CAPZA2: variants seen among roughly 807,000 people sequenced by gnomAD.
CAPZA2 encodes the protein F-actin-capping protein subunit alpha-2.
Under a neutral mutation model 44.0 loss-of-function variants are expected in CAPZA2, and 13 were observed. That is an observed-to-expected ratio of 0.30 (90% CI 0.19 to 0.47). The LOEUF is 0.47. Ranked by LOEUF, CAPZA2 falls within the 20% of genes least tolerant of loss-of-function variation. The probability of loss-of-function intolerance (pLI) is 1.00; values close to 1 mark genes in which losing one functional copy is unlikely to be tolerated. For missense variants in CAPZA2, 244 were observed against 338.6 expected, an observed-to-expected ratio of 0.72 and a Z score of 2.19; for synonymous variants, 94 against 108.2, an observed-to-expected ratio of 0.87 and a Z score of 0.81.
At chr7:116,905,802 C>T (rs764317217) in intron 5 of CAPZA2, among the ~76,000 whole-genome samples, 3 of 152,126 alleles carry the variant, frequency 2.0e-5, no homozygotes, top group Non-Finnish European at 1.5e-5. Flanking sequence ...ATTCTCTTAA[C>T]GACCTTTCTC....
intron 1 of CAPZA2, among the ~76,000 whole-genome samples, chr7:116,883,060 A>G (rs1437553153): frequency 6.6e-6 from 1 of 152,212 alleles, no homozygotes; most frequent in East Asian, 1.9e-4. Flanking sequence ...GAAGAATAAC[A>G]TGTGGAGGAA....
At chr7:116,876,491 A>G (rs1796624586) in intron 1 of CAPZA2, 1 of 152,202 alleles carries the variant, frequency 6.6e-6, no homozygotes, top group Non-Finnish European at 1.5e-5. Flanking sequence ...GTCTGAGATA[A>G]AAATAATATG....
At chr7:116,863,150 C>A (rs985127562) in intron 1 of CAPZA2, among the ~76,000 whole-genome samples, 1 of 152,204 alleles carries the variant, frequency 6.6e-6, no homozygotes, top group African/African-American at 2.4e-5. Context: ...TTCACTTCTC[C>A]CTTCTACTTC....
intron 8 of CAPZA2, among the ~76,000 whole-genome samples, chr7:116,912,364 C>CT (rs143694421): frequency 0.012 from 1,708 of 148,472 alleles, 32 homozygotes; most frequent in African/African-American, 0.036. Context: ...AAATTTTTCT[C>CT]TTTTTTTTTT....
chr7:116,883,264 T>C (rs752556047), intron 1 of CAPZA2, among the ~76,000 whole-genome samples: 3 of 152,230 alleles, frequency 2.0e-5, no homozygotes, highest in Non-Finnish European at 2.9e-5. Context: ...GGGACCTACC[T>C]ATTGTTAACT....
At chr7:116,910,447 A>G (rs1791575900) in intron 7 of CAPZA2, 136 bp downstream of exon 7, 2 of 600,570 alleles carry the variant, frequency 3.3e-6, no homozygotes, top group Non-Finnish European at 5.9e-6. Flanking sequence ...GGGAAAAACA[A>G]TAGTGCTGTT....
chr7:116,877,813 C>G (rs536993286), intron 1 of CAPZA2, among the ~76,000 whole-genome samples: 47 of 152,082 alleles, frequency 3.1e-4, no homozygotes, highest in Non-Finnish European at 5.7e-4. Context: ...GTGATCTTGA[C>G]AGGGAAGAAA....
chr7:116,902,922 G>A lies in CAPZA2; in HGVS notation c.220-1255G>A, dbSNP rs538517094. 2.6e-5 allele frequency among the ~76,000 whole-genome samples: 4 copies of A among 152,050 alleles called. No individual in the cohort carries two copies. The South Asian group carries it at 6.3e-4, about 24-fold the overall frequency. On this transcript the variant is annotated intron_variant, in intron 4 of 9. Coordinates refer to ENST00000361183, the MANE Select transcript of CAPZA2 (RefSeq NM_006136.3). ...GAGATGAGGTCTTACTATGTTGCCC[G>A]GGCTGGTCTCAACCTCCTGAGCTGA...
chr7:116,882,415 T>A (rs1585004942), intron 1 of CAPZA2, among the ~76,000 whole-genome samples: 1 of 152,190 alleles, frequency 6.6e-6, no homozygotes, highest in East Asian at 1.9e-4. Flanking sequence ...TCTTGTTTTA[T>A]TCTGTGGGTT....
In CAPZA2 at chr7:116,919,382, A is replaced by G. The variant is rs1363684762; in HGVS notation, c.*1515A>G. The G allele has an allele frequency of 1.3e-5, 2 of 152,350 alleles. No individual in the cohort carries two copies. Among genetic ancestry groups the G allele is most frequent in the Non-Finnish European group, 2.9e-5 (2 of 68,016 alleles). 9.4% of individuals were successfully genotyped at this position (152,350 alleles called of 1,614,324 possible). Reference sequence around the variant, plus strand: ...CCTTTTTAAAATATATATATTTGAAAGTTTGATGATGGTGAACTAAATACT... The same window carrying G: ...CCTTTTTAAAATATATATATTTGAAGGTTTGATGATGGTGAACTAAATACT... On this transcript the variant is annotated 3_prime_UTR_variant, in exon 10 of 10. Transcript: ENST00000361183.
At chr7:116,887,004 G>A (rs1379232253) in intron 1 of CAPZA2, among the ~76,000 whole-genome samples, 2 of 152,108 alleles carry the variant, frequency 1.3e-5, no homozygotes, top group South Asian at 4.1e-4. Flanking sequence ...ACTTGTCTTT[G>A]AACTAAGATT....
At chr7:116,880,627 C>T (rs1282852547) in intron 1 of CAPZA2, among the ~76,000 whole-genome samples, 1 of 147,212 alleles carries the variant, frequency 6.8e-6, no homozygotes, top group African/African-American at 2.5e-5. Flanking sequence ...GAACTCCTGA[C>T]CTCAAGTGAT....
intron 1 of CAPZA2, among the ~76,000 whole-genome samples, chr7:116,868,641 G>C (rs2115867694): frequency 6.6e-6 from 1 of 152,316 alleles, no homozygotes; most frequent in East Asian, 1.9e-4. Context: ...GGCCGAGGCA[G>C]GAGAATCGCT....
chr7:116,891,774 G>C (rs1310075533), intron 2 of CAPZA2, among the ~76,000 whole-genome samples: 1 of 152,062 alleles, frequency 6.6e-6, no homozygotes, highest in African/African-American at 2.4e-5. Flanking sequence ...GCCTCCCAAA[G>C]TGCTGGGATT....
intron 1 of CAPZA2, among the ~76,000 whole-genome samples, chr7:116,887,843 A>G (rs1051417199): frequency 4.6e-5 from 7 of 152,250 alleles, no homozygotes. Context: ...AAAAAATAAA[A>G]AATTAAAGTT....
chr7:116,902,082 G>T (rs1797003552), intron 4 of CAPZA2, among the ~76,000 whole-genome samples: 1 of 151,994 alleles, frequency 6.6e-6, no homozygotes, highest in Non-Finnish European at 1.5e-5. Context: ...CCAGAATTTA[G>T]TCTCAGAATA....
intron 2 of CAPZA2, among the ~76,000 whole-genome samples, chr7:116,892,000 A>G (rs1796852458): frequency 6.6e-6 from 1 of 152,222 alleles, no homozygotes; most frequent in Non-Finnish European, 1.5e-5. Flanking sequence ...TGTTCAAATG[A>G]ATTACTTCAA....
At position 116,893,028 on chromosome 7, in the gene CAPZA2, C is replaced by T. The variant is rs925617155; in HGVS notation, c.138C>T (p.Leu46=). ...VRLLLNNDNL[L]REGAAHAFAQ... Reference sequence around the variant, plus strand: ...TACTGCTTAATAATGACAATCTTCTCAGGGAAGGAGCAGCCCAGTAAGTAT... The same window carrying T: ...TACTGCTTAATAATGACAATCTTCTTAGGGAAGGAGCAGCCCAGTAAGTAT... Residue 46 remains leucine, a synonymous_variant, in exon 3 of 10, where the codon CTC becomes CTT. Transcript: ENST00000361183. The T allele has an allele frequency of 1.3e-6, 2 of 1,598,470 alleles. No individual in the cohort carries two copies. Among genetic ancestry groups the T allele is most frequent in the African/African-American group, 1.3e-5 (1 of 74,622 alleles).
Position 116,917,860 on chromosome 7 carries a change from A to G in CAPZA2, c.854A>G (p.Asn285Ser). The change falls in exon 10 of 10, where the codon AAT becomes AGT. Residue 285 changes from asparagine (N) to serine (S), a missense_variant. By Grantham distance (46) the Asn-to-Ser change is conservative. Transcript: ENST00000361183. ...LSYKIGKEMQ[N>S]A Reference sequence around the variant, plus strand: ...TACAAGATTGGCAAAGAGATGCAGAATGCATAAGATGAACATTGCATGACC... The same window carrying G: ...TACAAGATTGGCAAAGAGATGCAGAGTGCATAAGATGAACATTGCATGACC... 1 of 1,612,604 alleles carries G rather than the reference A, an allele frequency of 6.2e-7. No homozygotes were observed. The highest frequency in any genetic ancestry group is 8.5e-7 in the Non-Finnish European group (1 of 1,178,604).
Sources: allele counts gnomAD v4.1 joint callset (sites outside exome capture counted in the v4.1 genomes callset), GRCh38; gene constraint gnomAD v4.1.1; transcripts MANE v1.5; gene names NCBI Gene and HGNC (gene_info 2026-07-23, HGNC 2026-07-21).